The following MAP3K21 variants were observed in gnomAD, a reference collection of about 807,000 sequenced individuals.
MAP3K21 encodes mitogen-activated protein kinase kinase kinase 21.
A neutral mutation model predicts 86.1 loss-of-function variants in MAP3K21; 63 were observed. That is an observed-to-expected ratio of 0.73 (90% confidence interval 0.60 to 0.90). MAP3K21 has a LOEUF of 0.90. MAP3K21 is among the 40% of genes least tolerant of loss of function. The probability of loss-of-function intolerance (pLI) is 0.00; values close to 1 mark genes in which losing one functional copy is unlikely to be tolerated. For synonymous variants in MAP3K21, 558 were observed against 564.8 expected (o/e 0.99, Z 0.17); for missense variants, 1,220 against 1,367.7 (o/e 0.89, Z 1.70).
In MAP3K21 at chr1:233,379,186, C is replaced by G; in HGVS notation, c.2180C>G (p.Thr727Ser). 1.2e-6 allele frequency: 2 copies of G among 1,614,198 alleles called. No individual in the cohort carries two copies. Among genetic ancestry groups the G allele is most frequent in the Non-Finnish European group, 1.7e-6 (2 of 1,180,042 alleles). ...ACGGAGTCAGCTCTGTATGGGTGCA[C>G]CGTCCTTCTGGCATCGGTGGCTCTG... ...KKTESALYGC[T>S]VLLASVALGL... Residue 727 changes from threonine (T) to serine (S), a missense_variant, in exon 9 of 10, where the codon ACC (threonine) becomes AGC (serine). Thr to Ser is a moderately conservative substitution (Grantham distance 58). Coordinates refer to ENST00000366624, the MANE Select transcript of MAP3K21 (RefSeq NM_032435.3).
At chr1:233,341,124 G>C (rs1463198416) in intron 1 of MAP3K21, among the ~76,000 whole-genome samples, 3 of 152,160 alleles carry the variant, frequency 2.0e-5, no homozygotes, top group Non-Finnish European at 4.4e-5. Flanking sequence ...TCACAGGAAA[G>C]GGTGCTCAAA....
intron 1 of MAP3K21, among the ~76,000 whole-genome samples, chr1:233,330,581 T>C (rs1662792565): frequency 6.6e-6 from 1 of 152,156 alleles, no homozygotes; most frequent in Admixed American, 6.5e-5. Context: ...ACCAGGTATT[T>C]TAAGGACATC....
At chr1:233,357,125 A>G (rs1663373913) in intron 4 of MAP3K21, among the ~76,000 whole-genome samples, 1 of 152,146 alleles carries the variant, frequency 6.6e-6, no homozygotes, top group Non-Finnish European at 1.5e-5. Flanking sequence ...AGTAGACATA[A>G]CCATCATTCT....
chr1:233,341,057 T>C (rs1338739248), intron 1 of MAP3K21, among the ~76,000 whole-genome samples: 1 of 152,178 alleles, frequency 6.6e-6, no homozygotes, highest in East Asian at 1.9e-4. Flanking sequence ...AGTACAAGGT[T>C]GTAGAGGCCA....
At chr1:233,337,055 C>T (rs1036552620) in intron 1 of MAP3K21, among the ~76,000 whole-genome samples, 2 of 152,154 alleles carry the variant, frequency 1.3e-5, no homozygotes. Context: ...CTGTCTGACT[C>T]CACTAGCTTT....
chr1:233,354,015 T>C, intron 3 of MAP3K21, 60 bp downstream of exon 3: 1 of 1,376,822 alleles, frequency 7.3e-7, no homozygotes. Flanking sequence ...AGAATATCAT[T>C]TTTTAAAAAA....
intron 2 of MAP3K21, among the ~76,000 whole-genome samples, chr1:233,353,272 A>T (rs1335296529): frequency 6.6e-6 from 1 of 152,236 alleles, no homozygotes; most frequent in Non-Finnish European, 1.5e-5. Context: ...TGGTAGAAAC[A>T]TTAGTAACAC....
At chr1:233,339,253 TTCTTCTTCTTCTTCC>T (rs1337620956) in intron 1 of MAP3K21, among the ~76,000 whole-genome samples, 1,211 of 60,066 alleles carry the variant, frequency 0.02, 84 homozygotes, top group South Asian at 0.034. Context: ...CTTCTTCTTC[TTCTTCTTCTTCTTCC>T]TCTTCTTCTT....
In MAP3K21 at chr1:233,379,035, G is replaced by A; in HGVS notation, c.2029G>A (p.Asp677Asn). ...CTACATTGATCTACCTCTTGGGAAA[G>A]ATGCTCAGAGAGAGAATCCTGCAGA... ...QAYIDLPLGKDAQRENPAEAE... is the reference protein window; with the variant it reads ...QAYIDLPLGKNAQRENPAEAE... The change falls in exon 9 of 10, where the codon GAT becomes AAT. Residue 677 changes from aspartate (D) to asparagine (N), a missense_variant. Asp to Asn is a conservative substitution (Grantham distance 23). Transcript: ENST00000366624. 6.2e-7 allele frequency: 1 copy of A among 1,614,222 alleles called. No homozygotes were observed. The highest frequency in any genetic ancestry group is 8.5e-7 in the Non-Finnish European group (1 of 1,180,038).
rs1170065241 is a variant in MAP3K21, at chr1:233,328,729, C to G, written c.701C>G (p.Pro234Arg). 1 of 1,450,602 alleles carries G rather than the reference C, an allele frequency of 6.9e-7. No homozygotes were observed. The highest frequency in any genetic ancestry group is 1.4e-5 in the South Asian group (1 of 71,706). 89.9% of individuals were successfully genotyped at this position (1,450,602 alleles called of 1,614,324 possible). The change falls in exon 1 of 10, where the codon CCG becomes CGG. Residue 234 changes from proline to arginine, a missense_variant. Coordinates refer to ENST00000366624, the MANE Select transcript of MAP3K21 (RefSeq NM_032435.3). The surrounding 1 kb of genome is among the most constrained non-coding windows in gnomAD (Gnocchi z 8.7). ...CCCCGCCGCGCGCGCCGCATCCCTC[C>G]GCACGTGCTGGTCAACTGGGCCGTG... The part of the protein sequence containing the change: ...PGPRRARRIP[P>R]HVLVNWAVQI...
chr1:233,362,027 C>T lies in MAP3K21; in HGVS notation c.1312-26C>T, dbSNP rs1663474731. 1.9e-6 allele frequency: 3 copies of T among 1,605,338 alleles called. No homozygotes were observed. The African/African-American group carries it at 4.0e-5, about 21-fold the overall frequency. ...TCCCTTCTTCCTGCTGGGAATGATT[C>T]CGGTGGGTGTGAATCTGTGTCGCAG... On this transcript the variant is annotated intron_variant, in intron 4 of 9. Coordinates refer to ENST00000366624, the MANE Select transcript of MAP3K21 (RefSeq NM_032435.3).
intron 5 of MAP3K21, among the ~76,000 whole-genome samples, chr1:233,363,543 A>T (rs1252278565): frequency 1.3e-5 from 2 of 152,066 alleles, no homozygotes; most frequent in South Asian, 2.1e-4. Context: ...CTCTATGAAA[A>T]ATACAAAAAG....
chr1:233,382,667 A>C lies in MAP3K21; in HGVS notation c.3067A>C (p.Ser1023Arg), dbSNP rs1278272257. Residue 1023 changes from serine to arginine, a missense_variant, in exon 10 of 10, where the codon AGC becomes CGC. Around this residue, in one of 5 missense-constraint regions of MAP3K21, gnomAD observed 632 missense variants for 691.3 expected, o/e 0.91. Coordinates refer to ENST00000366624, the MANE Select transcript of MAP3K21 (RefSeq NM_032435.3). ...VPLCRMRSKT[S>R]RPSIYELEKE... ...ACTGTGCAGAATGAGGAGCAAAACC[A>C]GCCGGCCATCTATATATGAACTGGA... The C allele has an allele frequency of 6.2e-7, 1 of 1,614,036 alleles. No individual in the cohort carries two copies. Among genetic ancestry groups the C allele is most frequent in the Admixed American group, 1.7e-5 (1 of 60,022 alleles).
intron 2 of MAP3K21, among the ~76,000 whole-genome samples, chr1:233,352,406 G>C (rs1663266945): frequency 6.6e-6 from 1 of 151,660 alleles, no homozygotes; most frequent in East Asian, 1.9e-4. Flanking sequence ...TTAAAACAGG[G>C]GTACTTATTC....
In MAP3K21 at chr1:233,379,773, TA is replaced by T. The variant is rs1663880054; in HGVS notation, c.2704+64del. 3.5e-4 allele frequency: 426 copies of T among 1,203,370 alleles called. 4 individuals are homozygous for T. In the South Asian group the frequency reaches 5.7e-3, roughly 16 times the overall value. The allele number at this position is 1,203,370 out of a possible 1,614,324, so 74.5% of individuals were successfully genotyped here. A position where few individuals can be genotyped will look rare whatever the true frequency, so the allele number is the denominator to read the frequency against. ...CTGTAGAGATTAGTATGTGAAACAG[TA>T]TGGATTTATGATTTTATCTTTTCCT... On this transcript the variant is annotated intron_variant, in intron 9 of 9. Transcript: ENST00000366624.
intron 6 of MAP3K21, chr1:233,372,913 A>T (rs1369515685): frequency 6.6e-6 from 1 of 152,072 alleles, no homozygotes; most frequent in Admixed American, 6.6e-5. Context: ...TCCTTCCTCC[A>T]CCAAACTTAA....
intron 9 of MAP3K21, 75 bp from the exon 10 acceptor site, chr1:233,382,230 T>G: frequency 7.8e-7 from 1 of 1,279,556 alleles, no homozygotes; most frequent in Non-Finnish European, 1.1e-6. Context: ...GCCATCATAA[T>G]TATTTTTCTT....
intron 4 of MAP3K21, among the ~76,000 whole-genome samples, chr1:233,356,137 G>A (rs375465646): frequency 2.6e-5 from 4 of 152,044 alleles, no homozygotes; most frequent in African/African-American, 9.7e-5. Context: ...TGGCCCCTCC[G>A]TTCTCAGTCC....
At chr1:233,362,410 G>A in intron 5 of MAP3K21, 117 bp downstream of exon 5, 1 of 1,063,610 alleles carries the variant, frequency 9.4e-7, no homozygotes, top group Non-Finnish European at 1.4e-6. Context: ...AACAGTGAAT[G>A]AATGAGTATC....
Sources: allele counts gnomAD v4.1 joint callset (sites outside exome capture counted in the v4.1 genomes callset), GRCh38; gene constraint gnomAD v4.1.1; regional missense constraint gnomAD v4.1.1; non-coding constraint Gnocchi (gnomAD v3.1); transcripts MANE v1.5; gene names NCBI Gene and HGNC (gene_info 2026-07-23, HGNC 2026-07-21).